The following TNFSF4 variants were observed in gnomAD, a reference collection of about 807,000 sequenced individuals.
TNFSF4 encodes the protein TNF superfamily member 4.
A neutral mutation model predicts 7.3 loss-of-function variants in TNFSF4; 4 were observed. The ratio of observed to expected loss-of-function variants is 0.55; its 90% CI spans 0.27 to 1.25. The LOEUF is 1.25. Among genes scored for constraint, TNFSF4 ranks in the 50% most tolerant of loss-of-function variants. The probability of loss-of-function intolerance (pLI) is 0.12; values close to 1 mark genes in which losing one functional copy is unlikely to be tolerated. For missense variants in TNFSF4, 181 were observed against 208.8 expected, an observed-to-expected ratio of 0.87 and a Z score of 0.82; for synonymous variants, 76 against 83.7, an observed-to-expected ratio of 0.91 and a Z score of 0.50.
At chr1:173,216,533 C>A in the TNFSF4 span, among the ~76,000 whole-genome samples, 1 of 152,114 alleles carries the variant, frequency 6.6e-6, no homozygotes, top group Non-Finnish European at 1.5e-5. Context: ...AGTGCCCTGC[C>A]ACATAAAGAA....
chr1:173,336,396 C>A, the TNFSF4 span, among the ~76,000 whole-genome samples: 1 of 152,214 alleles, frequency 6.6e-6, no homozygotes, highest in Non-Finnish European at 1.5e-5. Context: ...ATTGGAGTTG[C>A]TGTACTAGAT....
At position 173,186,717 on chromosome 1, in the gene TNFSF4, A is replaced by C. The variant is rs527501556; in HGVS notation, c.351T>G (p.Leu117=). 4 of 1,614,134 alleles carry C rather than the reference A, an allele frequency of 2.5e-6. No individual in the cohort carries two copies. The South Asian group carries it at 3.3e-5, about 13-fold the overall frequency. The change falls in exon 3 of 3, where the codon CTT becomes CTG. Residue 117 remains leucine (L), a synonymous_variant. Transcript: ENST00000281834. The part of the protein sequence containing the change: ...GYFSQEVNIS[L]HYQKDEEPLF... Reference sequence around the variant, plus strand: ...GGGGCTCCTCATCCTTCTGGTAATGAAGGCTAATGTTGACTTCCTGGGAGA... The same window carrying C: ...GGGGCTCCTCATCCTTCTGGTAATGCAGGCTAATGTTGACTTCCTGGGAGA...
At chr1:173,247,988 T>C in the TNFSF4 span, among the ~76,000 whole-genome samples, 1 of 152,106 alleles carries the variant, frequency 6.6e-6, no homozygotes, top group African/African-American at 2.4e-5. Flanking sequence ...ATAGAAAGTG[T>C]CCAGGAGAAA....
At chr1:173,317,072 T>A in the TNFSF4 span, among the ~76,000 whole-genome samples, 2 of 152,172 alleles carry the variant, frequency 1.3e-5, no homozygotes, top group Non-Finnish European at 2.9e-5. Flanking sequence ...AACTTGCAGT[T>A]TCTGGGCCTT....
the TNFSF4 span, among the ~76,000 whole-genome samples, chr1:173,385,975 G>A: frequency 2.0e-5 from 3 of 152,330 alleles, no homozygotes; most frequent in South Asian, 2.1e-4. Flanking sequence ...CCAGGTCACC[G>A]TTTGATAAGG....
At chr1:173,381,216 C>T in the TNFSF4 span, among the ~76,000 whole-genome samples, 1 of 151,924 alleles carries the variant, frequency 6.6e-6, no homozygotes, top group African/African-American at 2.4e-5. Flanking sequence ...TCTTTGGCAG[C>T]AGTGACTCCA....
chr1:173,294,367 C>T, the TNFSF4 span, among the ~76,000 whole-genome samples: 1 of 150,184 alleles, frequency 6.7e-6, no homozygotes, highest in African/African-American at 2.5e-5. Context: ...AAACCAAATA[C>T]TGCACATTCT....
the TNFSF4 span, among the ~76,000 whole-genome samples, chr1:173,360,914 G>A: frequency 6.6e-6 from 1 of 152,160 alleles, no homozygotes; most frequent in South Asian, 2.1e-4. Context: ...CATTTCACAC[G>A]GGCTGCTGAG....
the TNFSF4 span, among the ~76,000 whole-genome samples, chr1:173,370,695 A>C: frequency 3.9e-5 from 6 of 152,180 alleles, no homozygotes; most frequent in Non-Finnish European, 7.3e-5. Flanking sequence ...CCTGAACAAA[A>C]TCTGGAGGCG....
At chr1:173,182,239 T>C (rs1406695157), downstream of TNFSF4, among the ~76,000 whole-genome samples, 1 of 136,974 alleles carries the variant, frequency 7.3e-6, no homozygotes, top group Non-Finnish European at 1.5e-5. Flanking sequence ...GTTCAACTGA[T>C]AGAAAAAATA....
At chr1:173,189,009 G>A (rs947395556) in intron 1 of TNFSF4, among the ~76,000 whole-genome samples, 1 of 152,148 alleles carries the variant, frequency 6.6e-6, no homozygotes, top group Admixed American at 6.5e-5. Flanking sequence ...ACAGGCATGA[G>A]TCGCCATGCC....
At chr1:173,412,062 G>A in the TNFSF4 span, among the ~76,000 whole-genome samples, 1 of 149,700 alleles carries the variant, frequency 6.7e-6, no homozygotes, top group Admixed American at 6.7e-5. Flanking sequence ...GTTGCAGTGA[G>A]CTGAGATTGC....
the TNFSF4 span, among the ~76,000 whole-genome samples, chr1:173,270,491 G>C: frequency 6.6e-6 from 1 of 151,994 alleles, no homozygotes; most frequent in Admixed American, 6.6e-5. Flanking sequence ...AAGATTTGAA[G>C]AGAAAAGAGA....
At chr1:173,421,077 A>G in the TNFSF4 span, among the ~76,000 whole-genome samples, 1 of 152,124 alleles carries the variant, frequency 6.6e-6, no homozygotes, top group African/African-American at 2.4e-5. Context: ...TTATCCTCAC[A>G]CCATCCCTAC....
chr1:173,422,277 A>T, the TNFSF4 span, among the ~76,000 whole-genome samples: 1 of 142,784 alleles, frequency 7.0e-6, no homozygotes, highest in South Asian at 2.5e-4. Context: ...ATAACTAACA[A>T]GCCATAAACA....
the TNFSF4 span, among the ~76,000 whole-genome samples, chr1:173,402,381 A>T: frequency 3.4e-4 from 52 of 152,154 alleles, no homozygotes; most frequent in Middle Eastern, 3.4e-3. Flanking sequence ...AGCTTCTGGG[A>T]CTCCATACTG....
At chr1:173,388,949 C>G in the TNFSF4 span, among the ~76,000 whole-genome samples, 2 of 152,214 alleles carry the variant, frequency 1.3e-5, no homozygotes, top group South Asian at 4.1e-4. Context: ...AAATAAGTCT[C>G]TCTCCCAATC....
At chr1:173,363,833 A>G in the TNFSF4 span, 1 of 156,346 alleles carries the variant, frequency 6.4e-6, no homozygotes, top group Non-Finnish European at 1.4e-5. Flanking sequence ...CCTAAGCTGA[A>G]CCCCTGATAG....
the TNFSF4 span, among the ~76,000 whole-genome samples, chr1:173,244,503 G>A: frequency 2.7e-3 from 414 of 150,708 alleles, 2 homozygotes; most frequent in African/African-American, 9.5e-3. Flanking sequence ...TTAGCCGGGC[G>A]TAGTGGCGGG....
Sources: allele counts gnomAD v4.1 joint callset (sites outside exome capture counted in the v4.1 genomes callset), GRCh38; gene constraint gnomAD v4.1.1; transcripts MANE v1.5; gene names NCBI Gene and HGNC (gene_info 2026-07-23, HGNC 2026-07-21).